Variants in CHEK1 observed in about 807,000 individuals in gnomAD.
The protein encoded by CHEK1 is checkpoint kinase 1.
Under a neutral mutation model 60.2 loss-of-function variants are expected in CHEK1, and 32 were observed. That is an observed-to-expected ratio of 0.53 (90% CI 0.40 to 0.71). CHEK1 has a LOEUF of 0.71. Among genes scored for constraint, CHEK1 ranks in the 30% least tolerant of loss-of-function variants. CHEK1 has a pLI of 0.00. For missense variants in CHEK1, 399 were observed against 564.6 expected, an observed-to-expected ratio of 0.71 and a Z score of 2.97; for synonymous variants, 179 against 187.2, an observed-to-expected ratio of 0.96 and a Z score of 0.36.
intron 8 of CHEK1, among the ~76,000 whole-genome samples, chr11:125,641,596 G>C (rs910676234): frequency 6.6e-6 from 1 of 152,106 alleles, no homozygotes; most frequent in South Asian, 2.1e-4. Context: ...CTGAGTTACT[G>C]ATCTTTTCCT....
chr11:125,674,833 T>G (rs1325982196), intron 13 of CHEK1, among the ~76,000 whole-genome samples: 1 of 152,216 alleles, frequency 6.6e-6, no homozygotes, highest in Non-Finnish European at 1.5e-5. Context: ...TCAAACTCTT[T>G]TTAACTGACA....
At position 125,656,702 on chromosome 11, in the gene CHEK1, C is replaced by G. The variant is rs1180266399; in HGVS notation, c.*1382C>G. The G allele has an allele frequency of 4.7e-6, 1 of 214,712 alleles. No homozygotes were observed. Among genetic ancestry groups the G allele is most frequent in the Non-Finnish European group, 9.4e-6 (1 of 106,388 alleles). 13.3% of individuals were successfully genotyped at this position (214,712 alleles called of 1,614,324 possible). A position where few individuals can be genotyped will look rare whatever the true frequency, so the allele number is the denominator to read the frequency against. ...CTGCTTTACATTTCCACTTGAATGT[C>G]TAGTAGGCATCTCTTGACCAAAAAC... is the stretch of plus-strand genomic sequence containing the variant. On this transcript the variant is annotated 3_prime_UTR_variant, in exon 13 of 13. Coordinates refer to ENST00000438015, the MANE Select transcript of CHEK1 (RefSeq NM_001114122.3).
chr11:125,644,592 A>G lies in CHEK1; in HGVS notation c.1182A>G (p.Lys394=), dbSNP rs1441337587. 4.3e-6 allele frequency: 7 copies of G among 1,614,180 alleles called. No individual in the cohort carries two copies. The East Asian group carries it at 1.6e-4, about 36-fold the overall frequency. Residue 394 remains lysine, a synonymous_variant, in exon 11 of 13, where the codon AAA becomes AAG. Transcript: ENST00000438015. ...CAGACAAATCTTATCAATGCCTGAA[A>G]GAGACTTGTGAGAAGTTGGGCTATC... is the stretch of plus-strand genomic sequence containing the variant. ...LDADKSYQCL[K]ETCEKLGYQW...
intron 11 of CHEK1, among the ~76,000 whole-genome samples, chr11:125,645,929 C>T (rs1204311037): frequency 1.3e-5 from 2 of 152,136 alleles, no homozygotes; most frequent in Admixed American, 6.5e-5. Context: ...AGTCTTCTCA[C>T]TCACATAGGT....
chr11:125,641,093 G>A (rs1363744321), intron 8 of CHEK1, among the ~76,000 whole-genome samples: 3 of 152,134 alleles, frequency 2.0e-5, no homozygotes, highest in Admixed American at 6.5e-5. Context: ...TAGATCGAAA[G>A]AACATATATA....
At chr11:125,652,598 G>T (rs1565381201) in intron 11 of CHEK1, among the ~76,000 whole-genome samples, 1 of 152,090 alleles carries the variant, frequency 6.6e-6, no homozygotes, top group African/African-American at 2.4e-5. Flanking sequence ...TTGGGTTGGG[G>T]ACACACATAC....
At chr11:125,647,730 A>C (rs548751567) in intron 11 of CHEK1, among the ~76,000 whole-genome samples, 2 of 152,238 alleles carry the variant, frequency 1.3e-5, no homozygotes, top group Non-Finnish European at 2.9e-5. Context: ...ATGGGACTCA[A>C]GTTGAAACAT....
At chr11:125,630,110 CT>C (rs1940807188) in intron 5 of CHEK1, among the ~76,000 whole-genome samples, 1 of 152,050 alleles carries the variant, frequency 6.6e-6, no homozygotes, top group South Asian at 2.1e-4. Flanking sequence ...CCTGTTCACT[CT>C]TTTTTTATGT....
At chr11:125,628,600 G>T (rs564212887) in intron 3 of CHEK1, among the ~76,000 whole-genome samples, 1 of 152,226 alleles carries the variant, frequency 6.6e-6, no homozygotes, top group East Asian at 1.9e-4. Flanking sequence ...ACAGGCATTT[G>T]TGGTTTTGTA....
At chr11:125,657,760 C>T (rs983425203), downstream of CHEK1, among the ~76,000 whole-genome samples, 6 of 151,948 alleles carry the variant, frequency 3.9e-5, no homozygotes, top group African/African-American at 7.3e-5. Context: ...GTGTACAGTT[C>T]GATGCTATTA....
At chr11:125,631,633 G>A (rs950777526) in intron 5 of CHEK1, among the ~76,000 whole-genome samples, 6 of 151,172 alleles carry the variant, frequency 4.0e-5, no homozygotes, top group South Asian at 2.1e-4. Context: ...GAGGTGGGAC[G>A]ATTGAGTGAT....
At chr11:125,640,324 G>A (rs1941237618) in intron 8 of CHEK1, among the ~76,000 whole-genome samples, 1 of 152,014 alleles carries the variant, frequency 6.6e-6, no homozygotes, top group Admixed American at 6.5e-5. Context: ...GGCGGATCAC[G>A]AGGTCAGGAG....
At chr11:125,639,807 G>A (rs149127423) in intron 8 of CHEK1, among the ~76,000 whole-genome samples, 57 of 152,212 alleles carry the variant, frequency 3.7e-4, no homozygotes, top group African/African-American at 1.3e-3. Flanking sequence ...CTGCCTCTAT[G>A]CTCATGTATT....
intron 13 of CHEK1, among the ~76,000 whole-genome samples, chr11:125,666,064 G>C (rs200008334): frequency 6.7e-6 from 1 of 149,240 alleles, no homozygotes; most frequent in Admixed American, 6.6e-5. Flanking sequence ...TTGGTTCTTT[G>C]TTTTAGTTCC....
chr11:125,668,398 A>G (rs988840618), intron 13 of CHEK1, among the ~76,000 whole-genome samples: 2 of 152,166 alleles, frequency 1.3e-5, no homozygotes, highest in Non-Finnish European at 2.9e-5. Flanking sequence ...GCATTTTCAC[A>G]AGACCACTGT....
chr11:125,654,217 C>G (rs551863522), intron 12 of CHEK1, among the ~76,000 whole-genome samples: 4 of 152,076 alleles, frequency 2.6e-5, no homozygotes, highest in African/African-American at 9.6e-5. Context: ...GTAATCCCAG[C>G]TACTTGGGAG....
chr11:125,659,419 T>A (rs576525683), downstream of CHEK1, among the ~76,000 whole-genome samples: 2 of 152,268 alleles, frequency 1.3e-5, no homozygotes, highest in Non-Finnish European at 2.9e-5. Context: ...TATAAATACA[T>A]TCGAGATACT....
chr11:125,625,152 G>A (rs1228659343), upstream of CHEK1: 1 of 224,524 alleles, frequency 4.5e-6, no homozygotes, highest in Non-Finnish European at 8.9e-6. Flanking sequence ...AATTTGCGTT[G>A]TAAGATTTAT....
At chr11:125,628,485 G>A (rs1434766930) in intron 3 of CHEK1, among the ~76,000 whole-genome samples, 1 of 152,158 alleles carries the variant, frequency 6.6e-6, no homozygotes, top group Non-Finnish European at 1.5e-5. Flanking sequence ...TGTGACTCAG[G>A]AGAGAGTTGA....
Sources: gnomAD v4.1 joint callset for allele counts (sites outside exome capture counted in the v4.1 genomes callset) on GRCh38, gnomAD v4.1.1 for gene constraint, MANE v1.5 for transcripts, NCBI Gene and HGNC (gene_info 2026-07-23, HGNC 2026-07-21) for gene names.